The following USP31 variants were observed in gnomAD, a reference collection of about 807,000 sequenced individuals.
USP31 encodes the protein ubiquitin specific peptidase 31, also known as ubiquitin carboxyl-terminal hydrolase 31.
USP31 carries 44 observed loss-of-function variants against 119.4 expected under a neutral mutation model. That is an observed-to-expected ratio of 0.37 (90% CI 0.29 to 0.47). The LOEUF is 0.47. Among genes scored for constraint, USP31 ranks in the 20% least tolerant of loss-of-function variants. The pLI, the probability that USP31 is intolerant of heterozygous loss-of-function variation, is 0.99. For synonymous variants in USP31, 749 were observed against 705.6 expected, an observed-to-expected ratio of 1.06 and a Z score of -0.97; for missense variants, 1,643 against 1,730.2, an observed-to-expected ratio of 0.95 and a Z score of 0.89.
At chr16:23,113,148 A>G (rs1364096106) in intron 1 of USP31, among the ~76,000 whole-genome samples, 1 of 152,216 alleles carries the variant, frequency 6.6e-6, no homozygotes, top group Non-Finnish European at 1.5e-5. Context: ...AGGAAAGCAG[A>G]TGACACCAAG....
rs889386804 is a variant in USP31, at chr16:23,067,339, G to A, written c.*707C>T. 4.6e-5 allele frequency: 7 copies of A among 152,660 alleles called. No homozygotes were observed. The highest frequency in any genetic ancestry group is 1.7e-4 in the African/African-American group (7 of 41,462). 9.5% of individuals were successfully genotyped at this position (152,660 alleles called of 1,614,324 possible). Reference sequence around the variant, plus strand: ...TGCACATGTCACCACAGATAGGAAGGTGGTGAAAGGCTTCATTTCTACCTC... The same window carrying A: ...TGCACATGTCACCACAGATAGGAAGATGGTGAAAGGCTTCATTTCTACCTC... On this transcript the variant is annotated 3_prime_UTR_variant, in exon 16 of 16. Transcript: ENST00000219689.
In USP31 at chr16:23,069,907, C is replaced by A. The variant is rs117951891; in HGVS notation, c.2489-291G>T. ...TCGGTATAACTTTTCCTGTGAAGGCCTAGACAGCAGATGTTAGGCTTTGCA... is the reference window on the plus strand; with the variant it reads ...TCGGTATAACTTTTCCTGTGAAGGCATAGACAGCAGATGTTAGGCTTTGCA... On this transcript the variant is annotated intron_variant, in intron 15 of 15. Coordinates refer to ENST00000219689, the MANE Select transcript of USP31 (RefSeq NM_020718.4). Among the ~76,000 whole-genome samples the A allele has an allele frequency of 1.9e-3, 292 of 152,312 alleles. 8 individuals carry two copies. In the East Asian group the frequency reaches 0.036, roughly 19 times the overall value.
intron 1 of USP31, among the ~76,000 whole-genome samples, chr16:23,115,567 T>C (rs1902461595): frequency 6.6e-6 from 1 of 152,124 alleles, no homozygotes; most frequent in African/African-American, 2.4e-5. Context: ...ATCTTACATA[T>C]TTGTGTCTAT....
At chr16:23,114,751 G>A (rs1312492893) in intron 1 of USP31, among the ~76,000 whole-genome samples, 1 of 152,090 alleles carries the variant, frequency 6.6e-6, no homozygotes, top group Non-Finnish European at 1.5e-5. Flanking sequence ...CACAATACTC[G>A]TAACTAGGGC....
intron 5 of USP31, among the ~76,000 whole-genome samples, chr16:23,104,933 C>T (rs1182934735): frequency 6.6e-6 from 1 of 152,230 alleles, no homozygotes; most frequent in Non-Finnish European, 1.5e-5. Flanking sequence ...ACTTTCCTTT[C>T]TCTTCTCTAA....
In USP31 at chr16:23,090,729, G is replaced by A. The variant is rs763190169; in HGVS notation, c.1310C>T (p.Thr437Ile). ...ATCCATTTTCCCCTGCTTTGCTGCT[G>A]TTTGTGTAGGAGAAGACAGTCTATG... ...DYHRLSSPTQ[T>I]AAKQGKMDSP... The change falls in exon 7 of 16, where the codon ACA becomes ATA. Residue 437 changes from threonine (T) to isoleucine (I), a missense_variant. This residue lies in a region of USP31 where 219 missense variants were observed against 226.4 expected (regional missense o/e 0.97). Transcript: ENST00000219689. The A allele has an allele frequency of 5.0e-6, 8 of 1,613,920 alleles. No homozygotes were observed. The East Asian group carries it at 6.7e-5, about 13-fold the overall frequency.
intron 9 of USP31, 30 bp from the exon 10 acceptor site, chr16:23,085,692 C>G: frequency 6.5e-7 from 1 of 1,541,620 alleles, no homozygotes; most frequent in Non-Finnish European, 8.9e-7. Context: ...GAGAGGGAAG[C>G]CACATATTAT....
intron 1 of USP31, among the ~76,000 whole-genome samples, chr16:23,112,436 G>A (rs971121568): frequency 3.3e-5 from 5 of 151,976 alleles, no homozygotes; most frequent in African/African-American, 1.2e-4. Context: ...TTAGTCAGGC[G>A]TGGTGACACA....
intron 15 of USP31, 79 bp downstream of exon 15, chr16:23,071,966 C>T: frequency 1.3e-6 from 2 of 1,532,972 alleles, no homozygotes; most frequent in African/African-American, 1.4e-5. Context: ...TGGGACTTAG[C>T]TCCTAGGAAA....
In USP31 at chr16:23,062,274, T is replaced by A. The variant is rs969657320; in HGVS notation, c.*5772A>T. ...ACTAAATTTTATTTGCCTCCACAGT[T>A]AACACAGAGTGCCAAATTCTGGGAT... On this transcript the variant is annotated 3_prime_UTR_variant, in exon 16 of 16. Transcript: ENST00000219689. The A allele has an allele frequency of 1.3e-5, 2 of 152,234 alleles. No individual in the cohort carries two copies. Among genetic ancestry groups the A allele is most frequent in the Admixed American group, 1.3e-4 (2 of 15,262 alleles). The allele number at this position is 152,234 out of a possible 1,614,324, so 9.4% of individuals were successfully genotyped here.
rs1426419257 is a variant in USP31 at position 23,108,202 on chromosome 16, C to T, written c.634-19G>A. On this transcript the variant is annotated intron_variant, in intron 1 of 15. Transcript: ENST00000219689. ...CAATAGTCTATGCAGGTAAATAAAT[C>T]ACCATGAACAGCTGTGAGTTCCTGG... 1 of 1,586,738 alleles carries T rather than the reference C, an allele frequency of 6.3e-7. No individual in the cohort carries two copies.
intron 1 of USP31, among the ~76,000 whole-genome samples, chr16:23,118,769 A>G (rs1353487806): frequency 6.6e-6 from 1 of 152,174 alleles, no homozygotes; most frequent in African/African-American, 2.4e-5. Context: ...CTTATACTGT[A>G]TCAGGCATTA....
intron 5 of USP31, among the ~76,000 whole-genome samples, chr16:23,102,779 A>G: frequency 6.6e-6 from 1 of 152,242 alleles, no homozygotes; most frequent in East Asian, 1.9e-4. Context: ...TTTTCTTGTC[A>G]TTATTCCCTA....
At chr16:23,074,010 A>G (rs776318652) in intron 13 of USP31, 130 bp from the exon 14 acceptor site, 14 of 1,206,540 alleles carry the variant, frequency 1.2e-5, no homozygotes, top group South Asian at 1.3e-5. Context: ...AGCAACACAG[A>G]AAGAGATTAA....
intron 2 of USP31, among the ~76,000 whole-genome samples, chr16:23,107,755 A>T (rs1156249124): frequency 2.0e-5 from 3 of 152,226 alleles, no homozygotes; most frequent in Non-Finnish European, 4.4e-5. Context: ...ATTCTGCTTT[A>T]AAAACAGTTT....
rs1164479741 is a variant in USP31, at chr16:23,068,636, C to G, written c.3469G>C (p.Glu1157Gln). 1.2e-6 allele frequency: 2 copies of G among 1,614,208 alleles called. No individual in the cohort carries two copies. The change falls in exon 16 of 16, where the codon GAG becomes CAG. Residue 1157 changes from glutamate to glutamine, a missense_variant. This residue lies in a region of USP31 where 699 missense variants were observed against 650.9 expected (regional missense o/e 1.07). Coordinates refer to ENST00000219689, the MANE Select transcript of USP31 (RefSeq NM_020718.4). ...SRTSDHSLSR[E>Q]GSRQSLGSDR... is the part of the protein sequence containing the mutation. Reference sequence around the variant, plus strand: ...GAACCCAAGCTTTGTCTGGAGCCCTCTCTACTCAAGCTGTGGTCTGAAGTC... The same window carrying G: ...GAACCCAAGCTTTGTCTGGAGCCCTGTCTACTCAAGCTGTGGTCTGAAGTC...
At position 23,068,587 on chromosome 16, in the gene USP31, G is replaced by A. The variant is rs1900193929; in HGVS notation, c.3518C>T (p.Thr1173Ile). 6.2e-7 allele frequency: 1 copy of A among 1,614,194 alleles called. No individual in the cohort carries two copies. The highest frequency in any genetic ancestry group is 8.5e-7 in the Non-Finnish European group (1 of 1,180,034). ...CACCCGAGGGGAATTGGGTTTGGAG[G>A]TGGAGGTGGCGCTGGCTCTGTCAGA... is the stretch of plus-strand genomic sequence containing the variant. ...LGSDRASATSTSKPNSPRVSQ... is the reference protein window; with the variant it reads ...LGSDRASATSISKPNSPRVSQ... The change falls in exon 16 of 16, where the codon ACC becomes ATC. Residue 1173 changes from threonine (T) to isoleucine (I), a missense_variant. This residue lies in a region of USP31 where 699 missense variants were observed against 650.9 expected (regional missense o/e 1.07). Coordinates refer to ENST00000219689, the MANE Select transcript of USP31 (RefSeq NM_020718.4).
chr16:23,080,485 C>T lies in USP31; in HGVS notation c.1951-314G>A, dbSNP rs1191754534. Among the ~76,000 whole-genome samples, 3 of 152,254 alleles carry T rather than the reference C, an allele frequency of 2.0e-5. No homozygotes were observed. In the South Asian group the frequency reaches 6.2e-4, roughly 32 times the overall value. ...AAAAAAATGACAGTATCAGGTGGCT[C>T]TTCCTGATACCTCTGTCAAAGAGAC... is the stretch of plus-strand genomic sequence containing the variant. On this transcript the variant is annotated intron_variant, in intron 12 of 15. Transcript: ENST00000219689.
chr16:23,069,408 A>G lies in USP31; in HGVS notation c.2697T>C (p.Ile899=). The G allele has an allele frequency of 6.2e-7, 1 of 1,613,168 alleles. No homozygotes were observed. Among genetic ancestry groups the G allele is most frequent in the Non-Finnish European group, 8.5e-7 (1 of 1,179,248 alleles). Residue 899 remains isoleucine, a synonymous_variant, in exon 16 of 16, where the codon ATT becomes ATC. Transcript: ENST00000219689. ...AGACCTTGTCATCTGCTGCCTCCCC[A>G]ATCTTCTCCAAGGTGGAAGCAGAGC... ...IHSSASTLEK[I]GEAADDKVSI...
Sources: allele counts gnomAD v4.1 joint callset (sites outside exome capture counted in the v4.1 genomes callset), GRCh38; gene constraint gnomAD v4.1.1; regional missense constraint gnomAD v4.1.1; transcripts MANE v1.5; gene names NCBI Gene and HGNC (gene_info 2026-07-23, HGNC 2026-07-21).